Variants in LPP observed in about 807,000 individuals in gnomAD.
LPP encodes the protein LIM domain containing preferred translocation partner in lipoma.
In LPP, 38 loss-of-function variants were observed where a neutral mutation model predicts 60.4. The ratio of observed to expected loss-of-function variants is 0.63; its 90% CI spans 0.49 to 0.83. The LOEUF (loss-of-function observed/expected upper bound fraction) is 0.83, where lower values mean the gene tolerates loss of function less well. Among genes scored for constraint, LPP ranks in the 40% least tolerant of loss-of-function variants. The pLI is 0.00. For synonymous variants in LPP, 328 were observed against 290.8 expected (o/e 1.13, Z -1.30); for missense variants, 902 against 783.6 (o/e 1.15, Z -1.80).
At chr3:188,850,420 T>C (rs1414838819) in intron 9 of LPP, among the ~76,000 whole-genome samples, 1 of 151,988 alleles carries the variant, frequency 6.6e-6, no homozygotes, top group African/African-American at 2.4e-5. Context: ...AGAGGAGAAA[T>C]TGTGATATGT....
intron 2 of LPP, among the ~76,000 whole-genome samples, chr3:188,293,478 G>C (rs1746739690): frequency 6.6e-6 from 1 of 152,198 alleles, no homozygotes; most frequent in African/African-American, 2.4e-5. Flanking sequence ...CCACTGTTGA[G>C]AATTGTCTAA....
chr3:188,551,571 T>C (rs1828133137), intron 6 of LPP, among the ~76,000 whole-genome samples: 1 of 152,176 alleles, frequency 6.6e-6, no homozygotes, highest in Non-Finnish European at 1.5e-5. Context: ...ATATGGACCT[T>C]CTCATAGGGA....
chr3:188,529,432 C>A (rs535312272), intron 6 of LPP, among the ~76,000 whole-genome samples: 8 of 152,060 alleles, frequency 5.3e-5, no homozygotes, highest in Non-Finnish European at 8.8e-5. Flanking sequence ...TTTTTTGAAT[C>A]CATGTCTCTA....
chr3:188,629,089 T>C (rs993022529), intron 7 of LPP, among the ~76,000 whole-genome samples: 2 of 152,084 alleles, frequency 1.3e-5, no homozygotes, highest in African/African-American at 2.4e-5. Context: ...CAACTTGAAA[T>C]TGAAGGAACA....
chr3:188,775,022 T>C (rs1379905507), intron 9 of LPP, among the ~76,000 whole-genome samples: 1 of 152,042 alleles, frequency 6.6e-6, no homozygotes, highest in Non-Finnish European at 1.5e-5. Context: ...GAATATCCTA[T>C]GCTTCTAGTT....
intron 6 of LPP, among the ~76,000 whole-genome samples, chr3:188,531,431 C>G (rs1193064671): frequency 1.3e-5 from 2 of 151,822 alleles, no homozygotes; most frequent in African/African-American, 4.8e-5. Context: ...TTTGATGAGG[C>G]AACTCTTGGT....
chr3:188,817,808 C>G (rs1466155499), intron 9 of LPP, among the ~76,000 whole-genome samples: 1 of 152,168 alleles, frequency 6.6e-6, no homozygotes, highest in Non-Finnish European at 1.5e-5. Context: ...GAAACAGATA[C>G]TACAGGGCAA....
chr3:188,804,243 T>TATATATATATA (rs1553853278), intron 9 of LPP, among the ~76,000 whole-genome samples: 3 of 37,698 alleles, frequency 8.0e-5, no homozygotes, highest in Non-Finnish European at 8.6e-5. Context: ...TAGTGCATCT[T>TATATATATATA]TATATATATA....
At chr3:188,175,779 A>G (rs344960) in intron 1 of LPP, among the ~76,000 whole-genome samples, 9,997 of 152,056 alleles carry the variant, frequency 0.066, 520 homozygotes, top group African/African-American at 0.16. Context: ...TCCTTTTCCA[A>G]TTTTTAAAAG....
intron 2 of LPP, among the ~76,000 whole-genome samples, chr3:188,231,650 C>T (rs779579374): frequency 2.8e-4 from 43 of 151,858 alleles, no homozygotes; most frequent in Non-Finnish European, 5.7e-4. Flanking sequence ...ACAGAGCCAG[C>T]GGTAGTCAAG....
At chr3:188,293,619 G>A (rs4686947) in intron 2 of LPP, among the ~76,000 whole-genome samples, 24,927 of 152,134 alleles carry the variant, frequency 0.16, 2,272 homozygotes, top group East Asian at 0.33. Flanking sequence ...TAGATGGGAG[G>A]TTATTTTATT....
intron 5 of LPP, among the ~76,000 whole-genome samples, chr3:188,500,154 T>C (rs1213286170): frequency 4.6e-5 from 7 of 152,112 alleles, no homozygotes; most frequent in South Asian, 2.1e-4. Flanking sequence ...TAAATTGTTA[T>C]GGCAAAAGCT....
At chr3:188,857,516 G>A (rs1023676778) in intron 9 of LPP, among the ~76,000 whole-genome samples, 4 of 152,166 alleles carry the variant, frequency 2.6e-5, no homozygotes, top group African/African-American at 9.7e-5. Context: ...TCCTGTTTGT[G>A]TACATTTAGT....
chr3:188,796,214 G>A (rs116280358), intron 9 of LPP, among the ~76,000 whole-genome samples: 1,844 of 152,314 alleles, frequency 0.012, 39 homozygotes, highest in African/African-American at 0.041. Flanking sequence ...ACTTCACTGA[G>A]TTATGAGGAG....
chr3:188,326,919 G>A (rs1758577444), intron 2 of LPP, among the ~76,000 whole-genome samples: 2 of 151,890 alleles, frequency 1.3e-5, no homozygotes, highest in South Asian at 4.2e-4. Context: ...AATTCTTCTG[G>A]ATTTTAAATG....
At position 188,638,678 on chromosome 3, in the gene LPP, A is replaced by G. The variant is rs962373438; in HGVS notation, c.1113+28834A>G. ...CAACTTCAGCAAAGTCTCAGGATAC[A>G]AAATCAATGTACAAAAATCACAAGC... is the stretch of plus-strand genomic sequence containing the variant. On this transcript the variant is annotated intron_variant, in intron 7 of 11. Transcript: ENST00000617246. Among the ~76,000 whole-genome samples, 111 of 148,534 alleles carry G rather than the reference A, an allele frequency of 7.5e-4. 2 individuals are homozygous for G. The highest frequency in any genetic ancestry group is 2.6e-3 in the African/African-American group (101 of 39,554).
chr3:188,405,408 T>C (rs1783220897), intron 3 of LPP, among the ~76,000 whole-genome samples: 1 of 152,174 alleles, frequency 6.6e-6, no homozygotes, highest in Non-Finnish European at 1.5e-5. Flanking sequence ...CAACCCACCT[T>C]TTAGTTCTTT....
chr3:188,739,612 G>T (rs377436836), intron 8 of LPP, among the ~76,000 whole-genome samples: 13 of 152,134 alleles, frequency 8.5e-5, no homozygotes, highest in East Asian at 5.8e-4. Context: ...AGGAGGAGGG[G>T]TTATAAGATA....
At chr3:188,504,584 T>A (rs1812905066) in intron 5 of LPP, among the ~76,000 whole-genome samples, 1 of 152,184 alleles carries the variant, frequency 6.6e-6, no homozygotes, top group South Asian at 2.1e-4. Context: ...CCCCAAGGTT[T>A]ACTGTTACCG....
Sources: allele counts gnomAD v4.1 joint callset (sites outside exome capture counted in the v4.1 genomes callset), GRCh38; gene constraint gnomAD v4.1.1; transcripts MANE v1.5; gene names NCBI Gene and HGNC (gene_info 2026-07-23, HGNC 2026-07-21).